The following ARFRP1 variants were observed in gnomAD, a reference collection of about 807,000 sequenced individuals.
ARFRP1 encodes the protein ARF related protein 1.
ARFRP1 carries 19 observed loss-of-function variants against 30.3 expected under a neutral mutation model. That is an observed-to-expected ratio of 0.63 (90% CI 0.44 to 0.92). ARFRP1 has a LOEUF of 0.92. Among genes scored for constraint, ARFRP1 ranks in the 40% least tolerant of loss-of-function variants. The pLI is 0.00. For synonymous variants in ARFRP1, 133 were observed against 114.2 expected, an observed-to-expected ratio of 1.16 and a Z score of -1.05; for missense variants, 245 against 267.5, an observed-to-expected ratio of 0.92 and a Z score of 0.59.
chr20:63,702,367 T>C, intron 4 of ARFRP1, 150 bp from the exon 5 acceptor site: 2 of 723,492 alleles, frequency 2.8e-6, no homozygotes, highest in South Asian at 1.8e-5. Flanking sequence ...GGATGCATTC[T>C]GGGGTTGCGG....
At chr20:63,706,601 C>CACG (rs1555824311) in intron 3 of ARFRP1, 50 bp downstream of exon 3, 7 of 1,546,418 alleles carry the variant, frequency 4.5e-6, no homozygotes, top group Non-Finnish European at 6.3e-6. Context: ...CTGTGAATAT[C>CACG]ACGGCATCCT....
At chr20:63,701,995 TCTGCCCCCCCCC>T in intron 5 of ARFRP1, 95 bp from the exon 6 acceptor site, 1 of 892,832 alleles carries the variant, frequency 1.1e-6, no homozygotes. Context: ...AGCCACTCCC[TCTGCCCCCCCCC>T]CCCCCGTCAC....
At chr20:63,706,278 G>C (rs976916464) in intron 4 of ARFRP1, 79 bp downstream of exon 4, 1 of 1,344,228 alleles carries the variant, frequency 7.4e-7, no homozygotes, top group Non-Finnish European at 1.1e-6. Context: ...AAACTGCTGA[G>C]GAAGGGCCCA....
chr20:63,700,614 G>T lies in ARFRP1; in HGVS notation c.506C>A (p.Ser169Ter). Residue 169 changes from serine (S) to a stop codon, truncating the protein, a stop_gained, in exon 7 of 8, where the codon TCG (serine) becomes TAG (stop). Coordinates refer to ENST00000622789, the MANE Select transcript of ARFRP1 (RefSeq NM_001267547.3). LOFTEE classifies it high-confidence loss of function. ...GRRDCLTQAC[S>*]ALTGKGVREG... ...AGCCCCCACTCACCCTGTGAGGGCC[G>T]AGCAGGCCTGGGTCAGGCAATCTCG... 6.2e-7 allele frequency: 1 copy of T among 1,610,574 alleles called. No homozygotes were observed. Among genetic ancestry groups the T allele is most frequent in the South Asian group, 1.1e-5 (1 of 90,994 alleles).
rs2091516191 is a variant in ARFRP1 at position 63,707,107 on chromosome 20, C to T, written c.-6-10G>A. 1 of 1,593,776 alleles carries T rather than the reference C, an allele frequency of 6.3e-7. No individual in the cohort carries two copies. Among genetic ancestry groups the T allele is most frequent in the South Asian group, 1.1e-5 (1 of 88,166 alleles). ...GCGTGTACATCCTGCCCTGGGCACC[C>T]CAACATAGGTCAGTGTGCAGCCAGA... On this transcript the variant is annotated splice_polypyrimidine_tract_variant and intron_variant, in intron 1 of 7. Coordinates refer to ENST00000622789, the MANE Select transcript of ARFRP1 (RefSeq NM_001267547.3).
At chr20:63,707,671 C>G (rs2091559033) in intron 1 of ARFRP1, 196 bp downstream of exon 1, 1 of 152,296 alleles carries the variant, frequency 6.6e-6, no homozygotes, top group African/African-American at 2.4e-5. Flanking sequence ...CTGGAGGCGG[C>G]GCGCGGCTGG....
In ARFRP1 at chr20:63,707,014, G is replaced by A. The variant is rs1244426670; in HGVS notation, c.78C>T (p.Asp26=). The change falls in exon 2 of 8, where the codon GAC becomes GAT. Residue 26 remains aspartate (D), a synonymous_variant. Transcript: ENST00000622789. ...GGGCACTCACCGTCTTCCCAGCATT[G>A]TCCAGGCCCAGGATCAGGATGCAGT... ...DEYCILILGL[D]NAGKTTFLEQ... The A allele has an allele frequency of 6.2e-7, 1 of 1,613,832 alleles. No individual in the cohort carries two copies. Among genetic ancestry groups the A allele is most frequent in the South Asian group, 1.1e-5 (1 of 91,090 alleles).
intron 4 of ARFRP1, chr20:63,702,498 A>C: frequency 2.3e-6 from 1 of 440,718 alleles, no homozygotes; most frequent in Non-Finnish European, 4.2e-6. Flanking sequence ...CACACTTATT[A>C]TCCCAACACT....
chr20:63,706,667 G>A lies in ARFRP1; in HGVS notation c.165C>T (p.Thr55=), dbSNP rs1374625343. The part of the protein sequence containing the change: ...YKGMSLSKIT[T]TVGLNIGTVD... ...GACCCTTACTGTTTAGGCCCACGGT[G>A]GTGGTGATTTTGGATAGACTCATCC... is the stretch of plus-strand genomic sequence containing the variant. Residue 55 remains threonine (T), a synonymous_variant, in exon 3 of 8, where the codon ACC becomes ACT. Transcript: ENST00000622789. 1 of 1,612,798 alleles carries A rather than the reference G, an allele frequency of 6.2e-7. No individual in the cohort carries two copies. Among genetic ancestry groups the A allele is most frequent in the Non-Finnish European group, 8.5e-7 (1 of 1,178,794 alleles).
chr20:63,701,305 G>A (rs757620170), intron 6 of ARFRP1: 34 of 530,908 alleles, frequency 6.4e-5, no homozygotes, highest in African/African-American at 3.7e-4. Flanking sequence ...TCTGGACGCC[G>A]GGCTGCTTCT....
intron 4 of ARFRP1, 185 bp from the exon 5 acceptor site, chr20:63,702,402 G>C: frequency 3.3e-6 from 2 of 613,626 alleles, no homozygotes; most frequent in Non-Finnish European, 5.7e-6. Context: ...GGTGTCCCCA[G>C]ACGCTGCTCC....
intron 6 of ARFRP1, chr20:63,701,549 C>A (rs2091205827): frequency 3.5e-6 from 2 of 575,686 alleles, no homozygotes; most frequent in Non-Finnish European, 6.3e-6. Flanking sequence ...GCCACACACT[C>A]CTGAGACACG....
rs373533052 is a variant in ARFRP1 at position 63,700,514 on chromosome 20, C to T, written c.535G>A (p.Gly179Ser). Reference protein sequence around the residue: ...SALTGKGVREGIEWMVKCVVR... With the variant: ...SALTGKGVRESIEWMVKCVVR... ...ACACACTTCACCATCCACTCGATGC[C>T]CTCGCGCACCCCTTTGCTGTGAAGA... The change falls in exon 8 of 8, where the codon GGC becomes AGC. Residue 179 changes from glycine to serine, a missense_variant. Gly to Ser is a moderately conservative substitution (Grantham distance 56). Transcript: ENST00000622789. 4.3e-5 allele frequency: 69 copies of T among 1,610,750 alleles called. No homozygotes were observed. The highest frequency in any genetic ancestry group is 5.5e-5 in the Non-Finnish European group (65 of 1,179,870).
rs753227532 is a variant in ARFRP1, at chr20:63,700,483, C to T, written c.566G>A (p.Arg189Gln). The T allele has an allele frequency of 9.3e-6, 15 of 1,610,398 alleles. No individual in the cohort carries two copies. The highest frequency in any genetic ancestry group is 5.3e-5 in the African/African-American group (4 of 75,012). The change falls in exon 8 of 8, where the codon CGG becomes CAG. Residue 189 changes from arginine (R) to glutamine (Q), a missense_variant. Coordinates refer to ENST00000622789, the MANE Select transcript of ARFRP1 (RefSeq NM_001267547.3). The part of the protein sequence containing the change: ...GIEWMVKCVV[R>Q]NVHRPPRQRD... ...CTGCCGCGGCGGCCGGTGCACATTC[C>T]GCACGACACACTTCACCATCCACTC...
At chr20:63,705,604 G>C (rs1372070147) in intron 4 of ARFRP1, 2 of 523,290 alleles carry the variant, frequency 3.8e-6, no homozygotes, top group Non-Finnish European at 7.9e-6. Context: ...GATCATGGAA[G>C]AACAAATGTT....
intron 2 of ARFRP1, 103 bp from the exon 3 acceptor site, chr20:63,706,841 G>GC (rs2091495764): frequency 7.8e-7 from 1 of 1,278,182 alleles, no homozygotes; most frequent in East Asian, 2.3e-5. Context: ...CAGAAACAGA[G>GC]CAACACTCTG....
rs1048420346 is a variant in ARFRP1, at chr20:63,700,363, G to C, written c.*80C>G. 1 of 1,580,202 alleles carries C rather than the reference G, an allele frequency of 6.3e-7. No homozygotes were observed. The highest frequency in any genetic ancestry group is 1.7e-5 in the Admixed American group (1 of 59,358). On this transcript the variant is annotated 3_prime_UTR_variant, in exon 8 of 8. Transcript: ENST00000622789. ...CAAAGCAAAGCAAACCCACCCCCCA[G>C]ATCAGCAGCATGGGAGCCAACAGGA...
In ARFRP1 at chr20:63,700,094, C is replaced by G; in HGVS notation, c.*349G>C. 1 of 351,446 alleles carries G rather than the reference C, an allele frequency of 2.8e-6. No homozygotes were observed. Among genetic ancestry groups the G allele is most frequent in the Non-Finnish European group, 5.5e-6 (1 of 182,784 alleles). The allele number at this position is 351,446 out of a possible 1,614,324, so 21.8% of individuals were successfully genotyped here. On this transcript the variant is annotated 3_prime_UTR_variant, in exon 8 of 8. Transcript: ENST00000622789. ...GCCACGGGGTCTCCCGAGGGTCCCA[C>G]AGGGCTGTCCTCATGCAGCCCAAGC... is the stretch of plus-strand genomic sequence containing the variant.
At chr20:63,701,011 G>A (rs904356046) in intron 6 of ARFRP1, among the ~76,000 whole-genome samples, 2 of 152,212 alleles carry the variant, frequency 1.3e-5, no homozygotes, top group Non-Finnish European at 2.9e-5. Context: ...CTCCTGGGCA[G>A]TGGCGGAGGC....
Sources: gnomAD v4.1 joint callset for allele counts (sites outside exome capture counted in the v4.1 genomes callset) on GRCh38, gnomAD v4.1.1 for gene constraint, MANE v1.5 for transcripts, NCBI Gene and HGNC (gene_info 2026-07-23, HGNC 2026-07-21) for gene names.